Variants in CILP2 observed in about 807,000 individuals in gnomAD.
CILP2 encodes the protein CILP-2.
CILP2 carries 38 observed loss-of-function variants against 45.6 expected under a neutral mutation model. That is an observed-to-expected ratio of 0.83 (90% CI 0.64 to 1.09). The LOEUF (loss-of-function observed/expected upper bound fraction) is 1.09. Among genes scored for constraint, CILP2 ranks in the 50% least tolerant of loss-of-function variants. CILP2 has a pLI of 0.00. For synonymous variants in CILP2, 780 were observed against 723.5 expected, an observed-to-expected ratio of 1.08 and a Z score of -1.25; for missense variants, 1,735 against 1,662.2, an observed-to-expected ratio of 1.04 and a Z score of -0.76.
At chr19:19,540,973 G>A in intron 3 of CILP2, 118 bp from the exon 4 acceptor site, 2 of 958,568 alleles carry the variant, frequency 2.1e-6, no homozygotes, top group Non-Finnish European at 2.7e-6. Context: ...TGGAGTGTCC[G>A]CCCTTGGATG....
In CILP2 at chr19:19,540,426, C is replaced by G. The variant is rs756155955; in HGVS notation, c.386C>G (p.Pro129Arg). ...RGFWCLNREQ[P>R]RGRRCSNYHV... ...TTCTGGTGCCTCAACCGCGAGCAAC[C>G]GCGTGGCCGCCGCTGCTCCAACTAC... is the stretch of plus-strand genomic sequence containing the variant. Residue 129 changes from proline to arginine, a missense_variant, in exon 3 of 8, where the codon CCG becomes CGG. Coordinates refer to ENST00000291495, the MANE Select transcript of CILP2 (RefSeq NM_153221.2). The G allele has an allele frequency of 1.7e-5, 25 of 1,484,194 alleles. No individual in the cohort carries two copies. The highest frequency in any genetic ancestry group is 2.1e-5 in the Non-Finnish European group (24 of 1,122,922). 91.9% of individuals were successfully genotyped at this position (1,484,194 alleles called of 1,614,324 possible). A position where few individuals can be genotyped will look rare whatever the true frequency, so the allele number is the denominator to read the frequency against.
chr19:19,540,606 G>C (rs2061239953), intron 3 of CILP2, 130 bp downstream of exon 3: 1 of 1,105,012 alleles, frequency 9.0e-7, no homozygotes, highest in Non-Finnish European at 1.2e-6. Flanking sequence ...GGGAAGAGCC[G>C]GGGGACCCTT....
In CILP2 at chr19:19,544,086, C is replaced by G. The variant is rs139539877; in HGVS notation, c.1541C>G (p.Pro514Arg). ...CAGGGCGACTTTACCATTGAGGTGC[C>G]GCCCTCCACCCAGCGGCTGGTGGTG... is the stretch of plus-strand genomic sequence containing the variant. The part of the protein sequence containing the change: ...AYQGDFTIEV[P>R]PSTQRLVVTF... Residue 514 changes from proline to arginine, a missense_variant, in exon 8 of 8, where the codon CCG becomes CGG. Transcript: ENST00000291495. The G allele has an allele frequency of 1.2e-6, 2 of 1,613,892 alleles. No individual in the cohort carries two copies. The highest frequency in any genetic ancestry group is 1.7e-6 in the Non-Finnish European group (2 of 1,180,022).
chr19:19,543,190 C>G, intron 6 of CILP2, 58 bp from the exon 7 acceptor site: 1 of 1,556,042 alleles, frequency 6.4e-7, no homozygotes, highest in Non-Finnish European at 8.8e-7. Flanking sequence ...AGCCTGCAGA[C>G]TGGGGGCAAC....
At position 19,546,009 on chromosome 19, in the gene CILP2, G is replaced by A. The variant is rs746840643; in HGVS notation, c.3464G>A (p.Arg1155Gln). ...GPLRTRRGRV[R>Q]Q ...CTCCGCACCCGCCGGGGTAGGGTCCGGCAGTGACCTGGGCAGGGGCCTCGC... is the reference window on the plus strand; with the variant it reads ...CTCCGCACCCGCCGGGGTAGGGTCCAGCAGTGACCTGGGCAGGGGCCTCGC... Residue 1155 changes from arginine (R) to glutamine (Q), a missense_variant, in exon 8 of 8, where the codon CGG becomes CAG. Transcript: ENST00000291495. 2.0e-5 allele frequency: 29 copies of A among 1,481,528 alleles called. No homozygotes were observed. In the East Asian group the frequency reaches 2.1e-4, roughly 11 times the overall value. The allele number at this position is 1,481,528 out of a possible 1,614,324, so 91.8% of individuals were successfully genotyped here. A position where few individuals can be genotyped will look rare whatever the true frequency, so the allele number is the denominator to read the frequency against.
At chr19:19,542,797 G>A (rs2061249218) in intron 5 of CILP2, 67 bp from the exon 6 acceptor site, 2 of 1,552,512 alleles carry the variant, frequency 1.3e-6, no homozygotes, top group Admixed American at 1.7e-5. Context: ...GAAAGGAGAG[G>A]ATGGGGACGT....
chr19:19,545,842 C>G lies in CILP2; in HGVS notation c.3297C>G (p.Ala1099=). The change falls in exon 8 of 8, where the codon GCC becomes GCG. Residue 1099 remains alanine (A), a synonymous_variant. Transcript: ENST00000291495. ...SREMKADAGT[A]VTFQCREPPA... ...AGATGAAGGCTGATGCCGGCACAGCCGTCACCTTCCAGTGCCGGGAGCCAC... is the reference window on the plus strand; with the variant it reads ...AGATGAAGGCTGATGCCGGCACAGCGGTCACCTTCCAGTGCCGGGAGCCAC... 2 of 1,584,772 alleles carry G rather than the reference C, an allele frequency of 1.3e-6. No individual in the cohort carries two copies. The highest frequency in any genetic ancestry group is 1.1e-5 in the South Asian group (1 of 89,544).
At position 19,545,479 on chromosome 19, in the gene CILP2, G is replaced by C; in HGVS notation, c.2934G>C (p.Val978=). 6.2e-7 allele frequency: 1 copy of C among 1,612,264 alleles called. No individual in the cohort carries two copies. ...QLYGLRDARS[V]RDPERPGTSA... is the part of the protein sequence containing the mutation. ...ACGGACTTCGGGATGCCCGGAGTGTGCGAGACCCCGAGCGTCCGGGCACCT... is the reference window on the plus strand; with the variant it reads ...ACGGACTTCGGGATGCCCGGAGTGTCCGAGACCCCGAGCGTCCGGGCACCT... The change falls in exon 8 of 8, where the codon GTG becomes GTC. Residue 978 remains valine (V), a synonymous_variant. Transcript: ENST00000291495.
intron 1 of CILP2, among the ~76,000 whole-genome samples, 157 bp from the exon 2 acceptor site, chr19:19,539,522 C>T (rs1167843044): frequency 6.7e-6 from 1 of 148,604 alleles, no homozygotes; most frequent in Non-Finnish European, 1.5e-5. Flanking sequence ...CGAGATCGTG[C>T]CACTGCACTC....
Position 19,544,402 on chromosome 19 carries a change from G to A in CILP2, c.1857G>A (p.Ala619=), listed in dbSNP as rs145144323. The A allele has an allele frequency of 8.6e-5, 139 of 1,610,356 alleles. No homozygotes were observed. In the African/African-American group the frequency reaches 1.7e-3, roughly 20 times the overall value. ...FVDPRDLTSA[A]SAPSDLRFVD... Reference sequence around the variant, plus strand: ...ACCCCCGAGACCTCACCTCGGCGGCGTCTGCCCCCAGTGACCTGCGCTTCG... The same window carrying A: ...ACCCCCGAGACCTCACCTCGGCGGCATCTGCCCCCAGTGACCTGCGCTTCG... The change falls in exon 8 of 8, where the codon GCG becomes GCA. Residue 619 remains alanine, a synonymous_variant. Coordinates refer to ENST00000291495, the MANE Select transcript of CILP2 (RefSeq NM_153221.2).
In CILP2 at chr19:19,545,436, G is replaced by C. The variant is rs757454570; in HGVS notation, c.2891G>C (p.Arg964Pro). The stretch of plus-strand genomic sequence containing the variant: ...CACAACGCAGGGGGCAGCCACCCAC[G>C]CACCCGCGGCCAGCTCTACGGACTT... Reference protein sequence around the residue: ...RSHNAGGSHPRTRGQLYGLRD... With the variant: ...RSHNAGGSHPPTRGQLYGLRD... The change falls in exon 8 of 8, where the codon CGC becomes CCC. Residue 964 changes from arginine (R) to proline (P), a missense_variant. Physicochemically the swap from Arg to Pro is moderately radical, Grantham distance 103. Transcript: ENST00000291495. The C allele has an allele frequency of 6.2e-7, 1 of 1,612,228 alleles. No individual in the cohort carries two copies. The highest frequency in any genetic ancestry group is 8.5e-7 in the Non-Finnish European group (1 of 1,179,682).
In CILP2 at chr19:19,540,536, G is replaced by A. The variant is rs943154688; in HGVS notation, c.436+60G>A. On this transcript the variant is annotated intron_variant, in intron 3 of 7. Transcript: ENST00000291495. ...TGAATGGGCGGGGCTGGCGAACGCCGGGAAGAGTCGTGGTGGGTGGGGCTG... is the reference window on the plus strand; with the variant it reads ...TGAATGGGCGGGGCTGGCGAACGCCAGGAAGAGTCGTGGTGGGTGGGGCTG... The A allele has an allele frequency of 3.1e-5, 41 of 1,333,572 alleles. No individual in the cohort carries two copies. In the African/African-American group the frequency reaches 3.1e-4, roughly 10 times the overall value. The allele number at this position is 1,333,572 out of a possible 1,614,324, so 82.6% of individuals were successfully genotyped here. A position where few individuals can be genotyped will look rare whatever the true frequency, so the allele number is the denominator to read the frequency against.
At position 19,539,690 on chromosome 19, in the gene CILP2, A is replaced by C. The variant is rs1291534884; in HGVS notation, c.76A>C (p.Thr26Pro). 2 of 1,588,938 alleles carry C rather than the reference A, an allele frequency of 1.3e-6. No individual in the cohort carries two copies. The highest frequency in any genetic ancestry group is 1.1e-5 in the South Asian group (1 of 88,616). ...CTCCTCACCCACAGACGCCACCCCC[A>C]CCGAGGAGCCAATGGCGACTGCACT... ...HLAGARDATPTEEPMATALGL... is the reference protein window; with the variant it reads ...HLAGARDATPPEEPMATALGL... The change falls in exon 2 of 8, where the codon ACC (threonine) becomes CCC (proline). Residue 26 changes from threonine (T) to proline (P), a missense_variant. Thr to Pro is a conservative substitution (Grantham distance 38). Transcript: ENST00000291495.
At position 19,543,383 on chromosome 19, in the gene CILP2, C is replaced by G; in HGVS notation, c.1113C>G (p.Gly371=). The G allele has an allele frequency of 6.2e-7, 1 of 1,613,296 alleles. No individual in the cohort carries two copies. The part of the protein sequence containing the change: ...AWNEAGAVRS[G]TARLTVLAPG... ...ATGAGGCGGGTGCCGTGCGCTCGGG[C>G]ACTGCCCGGCTCACTGTACTTGGTG... Residue 371 remains glycine (G), a synonymous_variant, in exon 7 of 8, where the codon GGC becomes GGG. Transcript: ENST00000291495.
In CILP2 at chr19:19,542,578, T is replaced by C. The variant is rs2061248542; in HGVS notation, c.796T>C (p.Phe266Leu). Reference protein sequence around the residue: ...RANIRAQMDGFSAGEAQAQAN... With the variant: ...RANIRAQMDGLSAGEAQAQAN... ...CAACATCAGGGCCCAGATGGATGGCTTCTCTGCAGGGGAGGCCCAGGCCCA... is the reference window on the plus strand; with the variant it reads ...CAACATCAGGGCCCAGATGGATGGCCTCTCTGCAGGGGAGGCCCAGGCCCA... The change falls in exon 5 of 8, where the codon TTC becomes CTC. Residue 266 changes from phenylalanine to leucine, a missense_variant. By Grantham distance (22) the Phe-to-Leu change is conservative. Transcript: ENST00000291495. The C allele has an allele frequency of 6.2e-7, 1 of 1,613,976 alleles. No individual in the cohort carries two copies. The highest frequency in any genetic ancestry group is 1.7e-5 in the Admixed American group (1 of 60,000).
Position 19,546,005 on chromosome 19 carries a change from G to A in CILP2, c.3460G>A (p.Val1154Ile). The stretch of plus-strand genomic sequence containing the variant: ...TCCCCTCCGCACCCGCCGGGGTAGG[G>A]TCCGGCAGTGACCTGGGCAGGGGCC... The part of the protein sequence containing the change: ...SGPLRTRRGR[V>I]RQ The change falls in exon 8 of 8, where the codon GTC becomes ATC. Residue 1154 changes from valine to isoleucine, a missense_variant. Physicochemically the swap from Val to Ile is conservative, Grantham distance 29. Transcript: ENST00000291495. The A allele has an allele frequency of 6.7e-7, 1 of 1,484,804 alleles. No individual in the cohort carries two copies. Among genetic ancestry groups the A allele is most frequent in the Non-Finnish European group, 8.9e-7 (1 of 1,119,224 alleles). 92.0% of individuals were successfully genotyped at this position (1,484,804 alleles called of 1,614,324 possible). A position where few individuals can be genotyped will look rare whatever the true frequency, so the allele number is the denominator to read the frequency against.
At chr19:19,542,797 G>T in intron 5 of CILP2, 67 bp from the exon 6 acceptor site, 6 of 1,552,512 alleles carry the variant, frequency 3.9e-6, no homozygotes, top group Non-Finnish European at 5.3e-6. Flanking sequence ...GAAAGGAGAG[G>T]ATGGGGACGT....
At position 19,545,811 on chromosome 19, in the gene CILP2, C is replaced by G; in HGVS notation, c.3266C>G (p.Ser1089Cys). The G allele has an allele frequency of 6.3e-7, 1 of 1,591,580 alleles. No homozygotes were observed. Among genetic ancestry groups the G allele is most frequent in the Non-Finnish European group, 8.6e-7 (1 of 1,165,198 alleles). ...RCFDGSSDGF[S>C]REMKADAGTA... is the part of the protein sequence containing the mutation. ...TTTGATGGTTCCTCTGACGGCTTCTCCAGAGAGATGAAGGCTGATGCCGGC... is the reference window on the plus strand; with the variant it reads ...TTTGATGGTTCCTCTGACGGCTTCTGCAGAGAGATGAAGGCTGATGCCGGC... The change falls in exon 8 of 8, where the codon TCC (serine) becomes TGC (cysteine). Residue 1089 changes from serine (S) to cysteine (C), a missense_variant. Coordinates refer to ENST00000291495, the MANE Select transcript of CILP2 (RefSeq NM_153221.2).
rs1179789360 is a variant in CILP2 at position 19,545,057 on chromosome 19, T to C, written c.2512T>C (p.Tyr838His). Reference protein sequence around the residue: ...LPATVGVTQPYLDRLGYRRTD... With the variant: ...LPATVGVTQPHLDRLGYRRTD... ...GGCCACCGTGGGCGTCACCCAGCCC[T>C]ACCTGGACAGGCTGGGGTACCGTCG... The change falls in exon 8 of 8, where the codon TAC becomes CAC. Residue 838 changes from tyrosine to histidine, a missense_variant. Tyr to His is a moderately conservative substitution (Grantham distance 83). Coordinates refer to ENST00000291495, the MANE Select transcript of CILP2 (RefSeq NM_153221.2). 1.2e-6 allele frequency: 2 copies of C among 1,609,312 alleles called. No homozygotes were observed. Among genetic ancestry groups the C allele is most frequent in the Non-Finnish European group, 8.5e-7 (1 of 1,178,764 alleles).
Sources: gnomAD v4.1 joint callset for allele counts (sites outside exome capture counted in the v4.1 genomes callset) on GRCh38, gnomAD v4.1.1 for gene constraint, MANE v1.5 for transcripts, NCBI Gene and HGNC (gene_info 2026-07-23, HGNC 2026-07-21) for gene names.